SMG6: variants seen among roughly 807,000 people sequenced by gnomAD.
SMG6 encodes telomerase-binding protein EST1A.
In SMG6, 66 loss-of-function variants were observed where a neutral mutation model predicts 142.2. The observed-to-expected ratio is 0.46, with a 90% CI of 0.38 to 0.57. SMG6 has a LOEUF of 0.57. SMG6 is among the 20% of genes least tolerant of loss of function. The pLI is 0.00. For synonymous variants in SMG6, 779 were observed against 702.4 expected, an observed-to-expected ratio of 1.11 and a Z score of -1.72; for missense variants, 1,793 against 1,832.0, an observed-to-expected ratio of 0.98 and a Z score of 0.39.
At chr17:2,110,356 A>T (rs1567605298) in intron 13 of SMG6, among the ~76,000 whole-genome samples, 1 of 152,132 alleles carries the variant, frequency 6.6e-6, no homozygotes, top group Non-Finnish European at 1.5e-5. Context: ...CCCTGTTGCG[A>T]GTTTCTGGTA....
At chr17:2,303,212 A>T (rs1462291408) in intron 1 of SMG6, 6 of 985,266 alleles carry the variant, frequency 6.1e-6, no homozygotes, top group African/African-American at 1.7e-5. Flanking sequence ...TTTCTCCCCA[A>T]TTCCTTCTCT....
chr17:2,255,161 T>C (rs934793840), intron 8 of SMG6, among the ~76,000 whole-genome samples: 1 of 151,730 alleles, frequency 6.6e-6, no homozygotes, highest in African/African-American at 2.4e-5. Context: ...TCCCAGCACT[T>C]TGGGAGGCCG....
intron 8 of SMG6, among the ~76,000 whole-genome samples, chr17:2,257,226 C>T (rs192473378): frequency 2.6e-4 from 39 of 152,100 alleles, no homozygotes; most frequent in African/African-American, 4.8e-5. Context: ...GCTGGGACTA[C>T]AGGCACGTGC....
At chr17:2,180,838 G>C (rs1444997247) in intron 12 of SMG6, among the ~76,000 whole-genome samples, 8 of 152,122 alleles carry the variant, frequency 5.3e-5, no homozygotes, top group Non-Finnish European at 1.0e-4. Context: ...CCTCTTTGTA[G>C]GAAAAACAGG....
intron 13 of SMG6, among the ~76,000 whole-genome samples, chr17:2,126,907 T>TGTACACAC (rs2069902056): frequency 6.6e-6 from 1 of 151,096 alleles, no homozygotes; most frequent in Non-Finnish European, 1.5e-5. Flanking sequence ...CGCACACACA[T>TGTACACAC]GCACACAGAC....
intron 10 of SMG6, among the ~76,000 whole-genome samples, chr17:2,218,797 CGA>C (rs2073091666): frequency 6.6e-6 from 1 of 152,030 alleles, no homozygotes; most frequent in Non-Finnish European, 1.5e-5. Flanking sequence ...TGCACAACAC[CGA>C]GAGTGAACCC....
intron 13 of SMG6, chr17:2,087,886 C>T (rs1050454834): frequency 1.8e-5 from 18 of 985,726 alleles, no homozygotes; most frequent in Non-Finnish European, 2.2e-5. Flanking sequence ...ACCACCTTGT[C>T]GTTACAGTGT....
chr17:2,224,774 A>G (rs1435209259), intron 10 of SMG6, among the ~76,000 whole-genome samples: 1 of 152,206 alleles, frequency 6.6e-6, no homozygotes, highest in Non-Finnish European at 1.5e-5. Flanking sequence ...ATGAAGCCCG[A>G]CAAATACTTC....
At chr17:2,130,580 T>C (rs1251490006) in intron 13 of SMG6, among the ~76,000 whole-genome samples, 2 of 151,552 alleles carry the variant, frequency 1.3e-5, no homozygotes, top group Non-Finnish European at 2.9e-5. Flanking sequence ...AAAACCAAAA[T>C]GAAAACCAAA....
At chr17:2,084,076 T>C (rs1427593266) in intron 14 of SMG6, among the ~76,000 whole-genome samples, 1 of 152,236 alleles carries the variant, frequency 6.6e-6, no homozygotes, top group Non-Finnish European at 1.5e-5. Context: ...GAAGGCCTTC[T>C]CTGGCTTTGG....
chr17:2,248,810 A>C (rs1023524184), intron 8 of SMG6, among the ~76,000 whole-genome samples: 2 of 152,242 alleles, frequency 1.3e-5, no homozygotes, highest in African/African-American at 2.4e-5. Flanking sequence ...GATTTGTTAC[A>C]TATTGATCAA....
intron 8 of SMG6, 54 bp from the exon 9 acceptor site, chr17:2,244,773 T>C: frequency 2.7e-6 from 4 of 1,475,212 alleles, no homozygotes; most frequent in Non-Finnish European, 2.8e-6. Flanking sequence ...CAGTTTCCTG[T>C]TACTGAACAG....
At chr17:2,207,848 C>T (rs376123175) in intron 10 of SMG6, among the ~76,000 whole-genome samples, 17 of 152,266 alleles carry the variant, frequency 1.1e-4, no homozygotes, top group African/African-American at 3.4e-4. Flanking sequence ...TTTTAAAGCA[C>T]CAGTTCAACT....
chr17:2,065,692 A>G lies in SMG6; in HGVS notation c.3836-13T>C, dbSNP rs2232485. 120,884 of 1,602,356 alleles carry G rather than the reference A, an allele frequency of 0.075. 12,074 individuals carry two copies. The highest frequency in any genetic ancestry group is 0.62 in the East Asian group (27,550 of 44,666). On this transcript the variant is annotated splice_polypyrimidine_tract_variant and intron_variant, in intron 16 of 18. Coordinates refer to ENST00000263073, the MANE Select transcript of SMG6 (RefSeq NM_017575.5). ...AGCTCATTGATCACTGATGAGATAG[A>G]GCCCCACAAGGTATCAGCCTCAGCA... is the stretch of plus-strand genomic sequence containing the variant.
At chr17:2,173,122 C>T (rs564737751) in intron 12 of SMG6, 6 of 474,858 alleles carry the variant, frequency 1.3e-5, no homozygotes, top group Admixed American at 1.0e-4. Context: ...AATTTGGAGA[C>T]TCAGTTGCCT....
At chr17:2,274,375 C>T (rs1295723185) in intron 8 of SMG6, among the ~76,000 whole-genome samples, 1 of 152,110 alleles carries the variant, frequency 6.6e-6, no homozygotes, top group Non-Finnish European at 1.5e-5. Flanking sequence ...GTCTTCTACT[C>T]CAAAAACTCA....
intron 13 of SMG6, among the ~76,000 whole-genome samples, chr17:2,169,247 G>A (rs1275406676): frequency 6.6e-6 from 1 of 151,638 alleles, no homozygotes; most frequent in Non-Finnish European, 1.5e-5. Context: ...AGGAATTTGA[G>A]GTGGCAGTGA....
At chr17:2,146,490 C>T (rs1164637817) in intron 13 of SMG6, among the ~76,000 whole-genome samples, 1 of 152,138 alleles carries the variant, frequency 6.6e-6, no homozygotes, top group Non-Finnish European at 1.5e-5. Context: ...ATTTGTTTTG[C>T]CTTCAGGTTT....
At chr17:2,062,501 C>CT (rs35285876) in intron 18 of SMG6, 64,499 of 147,850 alleles carry the variant, frequency 0.44, 14,444 homozygotes, top group Admixed American at 0.52. Context: ...TTTTAGATGA[C>CT]TTTTTTTTTT....
Sources: gnomAD v4.1 joint callset for allele counts (sites outside exome capture counted in the v4.1 genomes callset) on GRCh38, gnomAD v4.1.1 for gene constraint, MANE v1.5 for transcripts, NCBI Gene and HGNC (gene_info 2026-07-23, HGNC 2026-07-21) for gene names.